The following NPAS3 variants were observed in gnomAD, a reference collection of about 807,000 sequenced individuals.
The protein encoded by NPAS3 is neuronal PAS domain-containing protein 3.
In NPAS3, 14 loss-of-function variants were observed where a neutral mutation model predicts 73.1. That is an observed-to-expected ratio of 0.19 (90% CI 0.13 to 0.30). The LOEUF (loss-of-function observed/expected upper bound fraction) is 0.30, where lower values mean the gene tolerates loss of function less well. Among genes scored for constraint, NPAS3 ranks in the 10% least tolerant of loss-of-function variants. The pLI is 1.00. For synonymous variants in NPAS3, 620 were observed against 541.5 expected, an observed-to-expected ratio of 1.14 and a Z score of -2.01; for missense variants, 1,096 against 1,250.0, an observed-to-expected ratio of 0.88 and a Z score of 1.86.
intron 4 of NPAS3, among the ~76,000 whole-genome samples, chr14:33,429,798 T>C (rs758312879): frequency 2.0e-5 from 3 of 152,180 alleles, no homozygotes; most frequent in Non-Finnish European, 4.4e-5. Flanking sequence ...TGATGATATG[T>C]GCTGCCTGGC....
At chr14:33,532,459 T>C (rs978647836) in intron 4 of NPAS3, among the ~76,000 whole-genome samples, 41 of 152,236 alleles carry the variant, frequency 2.7e-4, no homozygotes, top group African/African-American at 9.6e-4. Context: ...GTGATTTACC[T>C]GAGTCACTTC....
At chr14:33,441,942 T>G (rs7151814) in intron 4 of NPAS3, among the ~76,000 whole-genome samples, 65,326 of 151,940 alleles carry the variant, frequency 0.43, 14,532 homozygotes, top group East Asian at 0.69. Context: ...GTTCCTCCCA[T>G]GACATGTGGG....
chr14:33,025,845 C>T (rs2039783390), intron 1 of NPAS3, among the ~76,000 whole-genome samples: 1 of 152,128 alleles, frequency 6.6e-6, no homozygotes, highest in African/African-American at 2.4e-5. Flanking sequence ...GTATAGTTCA[C>T]AGAACTGTGA....
chr14:33,062,539 G>C (rs2138585521), intron 2 of NPAS3, among the ~76,000 whole-genome samples: 1 of 152,286 alleles, frequency 6.6e-6, no homozygotes, highest in East Asian at 1.9e-4. Context: ...GCATGATTTA[G>C]AATGAAAGAA....
At chr14:33,057,276 T>C (rs1827902034) in intron 2 of NPAS3, among the ~76,000 whole-genome samples, 1 of 152,198 alleles carries the variant, frequency 6.6e-6, no homozygotes, top group Admixed American at 6.5e-5. Flanking sequence ...TCCGAACTGG[T>C]ATAATTATAA....
chr14:33,176,922 G>A (rs966339341), intron 2 of NPAS3, among the ~76,000 whole-genome samples: 3 of 151,608 alleles, frequency 2.0e-5, no homozygotes, highest in African/African-American at 4.8e-5. Context: ...CATCCTAATG[G>A]GTGTGAAGTG....
chr14:33,233,339 A>C (rs923865939), intron 3 of NPAS3, among the ~76,000 whole-genome samples: 2 of 152,138 alleles, frequency 1.3e-5, no homozygotes, highest in Non-Finnish European at 1.5e-5. Flanking sequence ...GTGGAAATTG[A>C]GGGAAAAGCA....
chr14:33,092,457 T>C (rs921044888), intron 2 of NPAS3, among the ~76,000 whole-genome samples: 1 of 151,962 alleles, frequency 6.6e-6, no homozygotes, highest in Non-Finnish European at 1.5e-5. Context: ...CACTGCTCAG[T>C]GAAATAAAAG....
chr14:33,577,748 A>T (rs897428565), intron 5 of NPAS3, among the ~76,000 whole-genome samples: 9 of 152,236 alleles, frequency 5.9e-5, no homozygotes, highest in African/African-American at 1.9e-4. Context: ...AGTGCCTTTC[A>T]ACCGACAACA....
intron 4 of NPAS3, among the ~76,000 whole-genome samples, chr14:33,387,006 A>G (rs1176090950): frequency 6.6e-6 from 1 of 152,140 alleles, no homozygotes; most frequent in East Asian, 1.9e-4. Context: ...GGAGGAAGTC[A>G]GAGTTGATTT....
intron 4 of NPAS3, among the ~76,000 whole-genome samples, chr14:33,378,742 G>C (rs1262531895): frequency 6.6e-6 from 1 of 152,166 alleles, no homozygotes; most frequent in East Asian, 1.9e-4. Context: ...GTCAGAAATG[G>C]GGGAGGAGAA....
intron 4 of NPAS3, among the ~76,000 whole-genome samples, chr14:33,428,150 C>G (rs1257942793): frequency 6.6e-6 from 1 of 151,970 alleles, no homozygotes; most frequent in Non-Finnish European, 1.5e-5. Flanking sequence ...CTGTAAGACA[C>G]CAGAGAACTG....
At chr14:33,307,014 C>G (rs1012321921) in intron 3 of NPAS3, among the ~76,000 whole-genome samples, 1 of 152,246 alleles carries the variant, frequency 6.6e-6, no homozygotes, top group Admixed American at 6.5e-5. Flanking sequence ...GCTGAATAAT[C>G]TCTTTTTCTT....
intron 9 of NPAS3, among the ~76,000 whole-genome samples, chr14:33,784,055 C>T (rs1422419393): frequency 6.6e-6 from 1 of 152,148 alleles, no homozygotes; most frequent in Non-Finnish European, 1.5e-5. Flanking sequence ...GATTAAGAAG[C>T]TGACTTCTTT....
At chr14:33,449,200 G>A (rs912989870) in intron 4 of NPAS3, among the ~76,000 whole-genome samples, 6 of 150,358 alleles carry the variant, frequency 4.0e-5, no homozygotes, top group African/African-American at 1.5e-4. Flanking sequence ...GGCTTAGGAT[G>A]ACTGAGTATG....
At chr14:33,791,186 G>A (rs949748170) in intron 9 of NPAS3, among the ~76,000 whole-genome samples, 3 of 152,114 alleles carry the variant, frequency 2.0e-5, no homozygotes, top group African/African-American at 4.8e-5. Context: ...AGCCGCCCAC[G>A]GTGGGCTCCC....
intron 1 of NPAS3, among the ~76,000 whole-genome samples, chr14:32,962,627 A>G (rs1191099869): frequency 1.6e-5 from 2 of 124,844 alleles, no homozygotes; most frequent in Non-Finnish European, 3.1e-5. Flanking sequence ...GCTGGAGTGC[A>G]GTGGTGCGAT....
At chr14:33,140,462 T>C (rs1440270961) in intron 2 of NPAS3, among the ~76,000 whole-genome samples, 2 of 152,142 alleles carry the variant, frequency 1.3e-5, no homozygotes, top group African/African-American at 2.4e-5. Flanking sequence ...TGGGTTATCC[T>C]TTCCCGTTAC....
At chr14:33,335,068 G>GTA (rs1555375990) in intron 3 of NPAS3, among the ~76,000 whole-genome samples, 18 of 150,950 alleles carry the variant, frequency 1.2e-4, no homozygotes, top group African/African-American at 4.2e-4. Flanking sequence ...GTGTGTGTGT[G>GTA]TGTATCACAT....
Sources: allele counts gnomAD v4.1 joint callset (sites outside exome capture counted in the v4.1 genomes callset), GRCh38; gene constraint gnomAD v4.1.1; transcripts MANE v1.5; gene names NCBI Gene and HGNC (gene_info 2026-07-23, HGNC 2026-07-21).